FBXL20: variants seen among roughly 807,000 people sequenced by gnomAD.
The protein encoded by FBXL20 is F-box and leucine rich repeat protein 20, also known as F-box/LRR-repeat protein 20.
Under a neutral mutation model 64.0 loss-of-function variants are expected in FBXL20, and 11 were observed. The observed-to-expected ratio is 0.17, with a 90% confidence interval of 0.11 to 0.28. FBXL20 has a LOEUF of 0.28. FBXL20 is among the 10% of genes least tolerant of loss of function. The pLI, the probability that FBXL20 is intolerant of heterozygous loss-of-function variation, is 1.00. For synonymous variants in FBXL20, 184 were observed against 189.0 expected (o/e 0.97, Z 0.22); for missense variants, 303 against 526.2 (o/e 0.58, Z 4.15).
At chr17:39,319,963 A>G (rs1026440415) in intron 2 of FBXL20, among the ~76,000 whole-genome samples, 2 of 152,118 alleles carry the variant, frequency 1.3e-5, no homozygotes, top group African/African-American at 4.8e-5. Flanking sequence ...TGACGGGCTG[A>G]TTTTAATTGA....
In FBXL20 at chr17:39,275,073, T is replaced by C. The variant is rs1471186869; in HGVS notation, c.724A>G (p.Ile242Val). ...LQITDEGLIT[I>V]CRGCHKLQSL... ...TGTAACTTATGGCACCCTCTGCATATAGTAATGAGACCTTCATCTGTGATT... is the reference window on the plus strand; with the variant it reads ...TGTAACTTATGGCACCCTCTGCATACAGTAATGAGACCTTCATCTGTGATT... The change falls in exon 10 of 15, where the codon ATA becomes GTA. Residue 242 changes from isoleucine to valine, a missense_variant. By Grantham distance (29) the Ile-to-Val change is conservative (BLOSUM62 3). Transcript: ENST00000264658. 6.2e-7 allele frequency: 1 copy of C among 1,613,356 alleles called. No individual in the cohort carries two copies. The highest frequency in any genetic ancestry group is 1.7e-5 in the Admixed American group (1 of 59,862).
intron 2 of FBXL20, among the ~76,000 whole-genome samples, chr17:39,317,859 G>A (rs545154998): frequency 2.6e-5 from 4 of 151,858 alleles, no homozygotes; most frequent in Admixed American, 2.0e-4. Flanking sequence ...ACGCCACCAC[G>A]CCCAGCTATT....
chr17:39,383,642 T>C (rs1017857142), intron 1 of FBXL20, among the ~76,000 whole-genome samples: 1 of 148,444 alleles, frequency 6.7e-6, no homozygotes, highest in Non-Finnish European at 1.5e-5. Context: ...CAGGCTGGAG[T>C]GCAGTGGCGC....
chr17:39,272,238 T>C (rs1293221567), intron 10 of FBXL20, among the ~76,000 whole-genome samples: 1 of 151,376 alleles, frequency 6.6e-6, no homozygotes, highest in Non-Finnish European at 1.5e-5. Context: ...TACAAAAAAT[T>C]AGTCAGGCAT....
At chr17:39,277,163 A>C (rs1478528976) in intron 9 of FBXL20, among the ~76,000 whole-genome samples, 1 of 152,236 alleles carries the variant, frequency 6.6e-6, no homozygotes, top group Non-Finnish European at 1.5e-5. Flanking sequence ...GCTGACACAA[A>C]TATAGATTAA....
chr17:39,398,880 G>A (rs2048213276), intron 1 of FBXL20, among the ~76,000 whole-genome samples: 1 of 151,928 alleles, frequency 6.6e-6, no homozygotes, highest in African/African-American at 2.4e-5. Context: ...TCACCAGGTT[G>A]GTCAGGCTGG....
At chr17:39,377,355 C>A (rs1409423193) in intron 1 of FBXL20, among the ~76,000 whole-genome samples, 1 of 152,038 alleles carries the variant, frequency 6.6e-6, no homozygotes, top group African/African-American at 2.4e-5. Flanking sequence ...TTTCCCCCAC[C>A]CACCAAGCTG....
At chr17:39,377,225 A>C (rs1353994882) in intron 1 of FBXL20, among the ~76,000 whole-genome samples, 1 of 152,126 alleles carries the variant, frequency 6.6e-6, no homozygotes, top group East Asian at 1.9e-4. Flanking sequence ...CACCACCCAG[A>C]TCGATTAACT....
intron 10 of FBXL20, among the ~76,000 whole-genome samples, chr17:39,272,869 G>A (rs1004320664): frequency 2.6e-5 from 4 of 152,118 alleles, no homozygotes; most frequent in South Asian, 2.1e-4. Context: ...GGGAGATGGA[G>A]CTGAAGACTC....
intron 2 of FBXL20, among the ~76,000 whole-genome samples, chr17:39,339,395 A>G (rs1042634467): frequency 6.6e-6 from 1 of 152,062 alleles, no homozygotes; most frequent in Non-Finnish European, 1.5e-5. Flanking sequence ...TCAGGCTGAG[A>G]GGTCAAAGCT....
chr17:39,289,698 A>G (rs1244176420), intron 6 of FBXL20, among the ~76,000 whole-genome samples: 2 of 151,604 alleles, frequency 1.3e-5, no homozygotes, highest in African/African-American at 4.8e-5. Flanking sequence ...TGAGTTTCTA[A>G]ATCTATATGT....
chr17:39,394,568 T>TC (rs1491105655), intron 1 of FBXL20, among the ~76,000 whole-genome samples: 7 of 124,736 alleles, frequency 5.6e-5, no homozygotes, highest in African/African-American at 2.4e-4. Context: ...TTTTCTTTTC[T>TC]TTTTTTTTTT....
At chr17:39,372,442 C>G (rs1275068520) in intron 1 of FBXL20, among the ~76,000 whole-genome samples, 2 of 142,400 alleles carry the variant, frequency 1.4e-5, no homozygotes, top group Admixed American at 1.5e-4. Context: ...TCGCTTGAAC[C>G]TGGGAGGCGG....
intron 1 of FBXL20, among the ~76,000 whole-genome samples, chr17:39,400,968 G>A (rs2048235823): frequency 6.6e-6 from 1 of 152,176 alleles, no homozygotes; most frequent in Admixed American, 6.5e-5. Context: ...TCCCTCAACA[G>A]ACAACAAACG....
chr17:39,286,597 T>C (rs1299295369), intron 6 of FBXL20, among the ~76,000 whole-genome samples: 1 of 152,108 alleles, frequency 6.6e-6, no homozygotes, highest in Non-Finnish European at 1.5e-5. Flanking sequence ...TCAGGAGTTC[T>C]AGACCAGCCT....
rs558576023 is a variant in FBXL20 at position 39,264,461 on chromosome 17, T to C, written c.991-74A>G. ...CCTCTAGCCAGAGGCTTGTGTGAAT[T>C]GGAAAGGAGACATTTTGGTTTGATT... On this transcript the variant is annotated intron_variant, in intron 13 of 14. Transcript: ENST00000264658. 202 of 1,516,786 alleles carry C rather than the reference T, an allele frequency of 1.3e-4. No homozygotes were observed. The East Asian group carries it at 4.4e-3, about 33-fold the overall frequency. The allele number at this position is 1,516,786 out of a possible 1,614,324, so 94.0% of individuals were successfully genotyped here. A position where few individuals can be genotyped will look rare whatever the true frequency, so the allele number is the denominator to read the frequency against.
At chr17:39,283,180 T>C (rs2046962136) in intron 7 of FBXL20, among the ~76,000 whole-genome samples, 1 of 152,204 alleles carries the variant, frequency 6.6e-6, no homozygotes, top group Admixed American at 6.5e-5. Context: ...TATTCTAGTT[T>C]ACAGAGTAAT....
At chr17:39,304,063 G>T (rs1188397579) in intron 2 of FBXL20, among the ~76,000 whole-genome samples, 10 of 152,006 alleles carry the variant, frequency 6.6e-5, no homozygotes, top group African/African-American at 2.4e-4. Context: ...CAGTTCTTTA[G>T]AAGAAACACA....
In FBXL20 at chr17:39,304,913, C is replaced by T. The variant is rs549125775; in HGVS notation, c.105-1274G>A. ...CTGGGATTACAGGCATCCACTACCA[C>T]GCCCGGGTAATTTTTGTGTTTTTAG... is the stretch of plus-strand genomic sequence containing the variant. On this transcript the variant is annotated intron_variant, in intron 2 of 14. Coordinates refer to ENST00000264658, the MANE Select transcript of FBXL20 (RefSeq NM_032875.3). Among the ~76,000 whole-genome samples the T allele has an allele frequency of 2.3e-3, 347 of 152,124 alleles. 2 individuals carry two copies. The highest frequency in any genetic ancestry group is 7.8e-3 in the African/African-American group (325 of 41,492).
Sources: gnomAD v4.1 joint callset for allele counts (sites outside exome capture counted in the v4.1 genomes callset) on GRCh38, gnomAD v4.1.1 for gene constraint, MANE v1.5 for transcripts, NCBI Gene and HGNC (gene_info 2026-07-23, HGNC 2026-07-21) for gene names.